FAAH2: variants seen among roughly 807,000 people sequenced by gnomAD.
The protein encoded by FAAH2 is fatty acid amide hydrolase 2, also known as fatty-acid amide hydrolase 2.
FAAH2 carries 60 observed loss-of-function variants against 36.9 expected under a neutral mutation model. The observed-to-expected ratio is 1.63, with a 90% confidence interval of 1.32 to 2.02. The LOEUF is 2.02. Among genes scored for constraint, FAAH2 ranks in the 30% most tolerant of loss-of-function variants. The probability of loss-of-function intolerance (pLI) is 0.00; values close to 1 mark genes in which losing one functional copy is unlikely to be tolerated. For missense variants in FAAH2, 689 were observed against 397.5 expected, an observed-to-expected ratio of 1.73 and a Z score of -6.23; for synonymous variants, 214 against 143.8, an observed-to-expected ratio of 1.49 and a Z score of -3.49.
intron 4 of FAAH2, 109 bp downstream of exon 4, chrX:57,331,916 T>C: frequency 1.3e-6 from 1 of 761,890 alleles, no homozygotes; most frequent in South Asian, 2.9e-5. Flanking sequence ...TAAGAATGGA[T>C]GCAAAAACCC....
At chrX:57,421,719 A>G (rs1434033314) in intron 7 of FAAH2, among the ~76,000 whole-genome samples, 4 of 112,036 alleles carry the variant, frequency 3.6e-5, no homozygotes, top group Non-Finnish European at 7.5e-5. Context: ...GAAGGGACAC[A>G]ATCCAGTCCG....
the FAAH2 span, among the ~76,000 whole-genome samples, chrX:57,163,787 G>C: frequency 1.8e-5 from 2 of 112,180 alleles, no homozygotes; most frequent in African/African-American, 6.5e-5. Flanking sequence ...GATGAACCCG[G>C]TACCTCAGAT....
chrX:57,331,631 G>T lies in FAAH2; in HGVS notation c.446G>T (p.Arg149Leu), dbSNP rs773977954. The change falls in exon 4 of 11, where the codon CGT becomes CTT. Residue 149 changes from arginine to leucine, a missense_variant. Arg to Leu is a moderately radical substitution (Grantham distance 102). Coordinates refer to ENST00000374900, the MANE Select transcript of FAAH2 (RefSeq NM_174912.4). ...AATTCTTCTGGACTCATGAACCGTC[G>T]TGATGCCATTGCCAAAACAGATGCC... Reference protein sequence around the residue: ...MPNSSGLMNRRDAIAKTDATV... With the variant: ...MPNSSGLMNRLDAIAKTDATV... The T allele has an allele frequency of 5.0e-5, 61 of 1,209,566 alleles. No individual in the cohort carries two copies. In the Admixed American group the frequency reaches 9.0e-4, roughly 18 times the overall value.
chrX:57,369,292 A>G (rs1047189000), intron 5 of FAAH2, among the ~76,000 whole-genome samples: 4 of 111,377 alleles, frequency 3.6e-5, no homozygotes, highest in African/African-American at 1.3e-4. Context: ...AGAGATGGAG[A>G]AAAGCACAGG....
chrX:57,324,930 G>A (rs1020147996), intron 3 of FAAH2, among the ~76,000 whole-genome samples: 4 of 112,120 alleles, frequency 3.6e-5, no homozygotes, highest in African/African-American at 1.3e-4. Context: ...TTTCCAAAGG[G>A]AATACTTCCA....
chrX:57,332,572 C>G (rs1382272560), intron 4 of FAAH2, among the ~76,000 whole-genome samples: 1 of 111,755 alleles, frequency 8.9e-6, no homozygotes, highest in African/African-American at 3.3e-5. Flanking sequence ...TCAGGGGAAC[C>G]AGCACAGCTT....
chrX:57,439,796 A>G (rs1343302912), intron 8 of FAAH2, among the ~76,000 whole-genome samples: 3 of 111,631 alleles, frequency 2.7e-5, no homozygotes, highest in East Asian at 5.6e-4. Context: ...TAAGGAAGGG[A>G]TCCAGTTTTA....
the FAAH2 span, chrX:57,136,895 T>C: frequency 2.1e-4 from 141 of 676,463 alleles, no homozygotes; most frequent in Non-Finnish European, 2.8e-4. Context: ...TACCCTTTAC[T>C]GCCACTAGCA....
chrX:57,352,153 T>C (rs1305367292), intron 5 of FAAH2, among the ~76,000 whole-genome samples: 1 of 84,887 alleles, frequency 1.2e-5, no homozygotes, highest in African/African-American at 4.4e-5. Flanking sequence ...TATATGCACA[T>C]ATATATACAC....
intron 5 of FAAH2, among the ~76,000 whole-genome samples, chrX:57,366,979 C>G (rs191559348): frequency 9.8e-5 from 11 of 112,412 alleles, no homozygotes; most frequent in Non-Finnish European, 2.1e-4. Flanking sequence ...GGACTCCATA[C>G]AGGCTGGAGT....
chrX:57,377,568 G>A lies in FAAH2; in HGVS notation c.743-1083G>A, dbSNP rs754296565. On this transcript the variant is annotated intron_variant, in intron 5 of 10. Transcript: ENST00000374900. ...CTGTAGCCTTGTAATATTGTTTGAA[G>A]CCAGGTAGCATGATGTCTCCACCTT... is the stretch of plus-strand genomic sequence containing the variant. Among the ~76,000 whole-genome samples, 9 of 112,175 alleles carry A rather than the reference G, an allele frequency of 8.0e-5. No individual in the cohort carries two copies. In the East Asian group the frequency reaches 2.0e-3, roughly 25 times the overall value.
chrX:57,159,932 G>T, the FAAH2 span, among the ~76,000 whole-genome samples: 1 of 111,614 alleles, frequency 9.0e-6, no homozygotes, highest in Non-Finnish European at 1.9e-5. Context: ...CAAAGGGAAT[G>T]CTTCCAGTTT....
intron 10 of FAAH2, among the ~76,000 whole-genome samples, chrX:57,459,584 C>A (rs1224377716): frequency 8.9e-6 from 1 of 112,042 alleles, no homozygotes; most frequent in African/African-American, 3.2e-5. Context: ...ACAGACACCT[C>A]ATACAGGAGA....
intron 2 of FAAH2, among the ~76,000 whole-genome samples, chrX:57,299,717 A>T (rs774584095): frequency 2.7e-5 from 3 of 111,842 alleles, no homozygotes; most frequent in African/African-American, 9.7e-5. Flanking sequence ...CCATCATCTC[A>T]GCCCAAAATC....
At chrX:57,452,344 A>G (rs1381381298) in intron 10 of FAAH2, 1 of 750,784 alleles carries the variant, frequency 1.3e-6, no homozygotes, top group Non-Finnish European at 1.6e-6. Flanking sequence ...CACTCTCAAG[A>G]GTCCCTCTTG....
chrX:57,416,899 A>G (rs753197318), intron 7 of FAAH2, among the ~76,000 whole-genome samples: 10 of 111,212 alleles, frequency 9.0e-5, no homozygotes, highest in Non-Finnish European at 1.3e-4. Flanking sequence ...ACATAGTTTC[A>G]CATATTTCTT....
chrX:57,177,865 A>T, the FAAH2 span, among the ~76,000 whole-genome samples: 1 of 109,496 alleles, frequency 9.1e-6, no homozygotes, highest in Non-Finnish European at 1.9e-5. Context: ...GAAACTTCCC[A>T]CAAGTGGAAA....
At chrX:57,207,843 T>G in the FAAH2 span, among the ~76,000 whole-genome samples, 3 of 112,799 alleles carry the variant, frequency 2.7e-5, no homozygotes, top group Admixed American at 2.8e-4. Flanking sequence ...TTGTGCAGCA[T>G]AAATCTACTG....
intron 3 of FAAH2, among the ~76,000 whole-genome samples, chrX:57,312,027 G>T (rs894728544): frequency 8.9e-6 from 1 of 112,292 alleles, no homozygotes; most frequent in African/African-American, 3.2e-5. Context: ...CACAGGGTGG[G>T]TCCATAGAGT....
Sources: allele counts gnomAD v4.1 joint callset (sites outside exome capture counted in the v4.1 genomes callset), GRCh38; gene constraint gnomAD v4.1.1; transcripts MANE v1.5; gene names NCBI Gene and HGNC (gene_info 2026-07-23, HGNC 2026-07-21).